The following PCDHGB3 variants were observed in gnomAD, a reference collection of about 807,000 sequenced individuals.
PCDHGB3 encodes the protein protocadherin gamma subfamily B, 3, also known as protocadherin gamma-B3.
PCDHGB3 carries 40 observed loss-of-function variants against 59.2 expected under a neutral mutation model. The ratio of observed to expected loss-of-function variants is 0.68; its 90% confidence interval spans 0.52 to 0.88. PCDHGB3 has a LOEUF of 0.88. Among genes scored for constraint, PCDHGB3 ranks in the 40% least tolerant of loss-of-function variants. The pLI is 0.00. For synonymous variants in PCDHGB3, 581 were observed against 503.6 expected (o/e 1.15, Z -2.06); for missense variants, 1,309 against 1,187.9 (o/e 1.10, Z -1.50).
chr5:141,430,404 A>C (rs1054341813), intron 1 of PCDHGB3, among the ~76,000 whole-genome samples: 1 of 152,000 alleles, frequency 6.6e-6, no homozygotes, highest in African/African-American at 2.4e-5. Context: ...AAAGCTCACT[A>C]AAGTTTCTAT....
rs751874380 is a variant in PCDHGB3 at position 141,486,055 on chromosome 5, C to A, written c.2416-8752C>A. ...CTGATCGTGTAAGAAACCTCTTTAG[C>A]CTGCACCCCACTACTGGAAAGCTTA... On this transcript the variant is annotated intron_variant, in intron 1 of 3. Transcript: ENST00000576222. The surrounding 1 kb of genome is among the most constrained non-coding windows in gnomAD (Gnocchi z 5.0). The A allele has an allele frequency of 6.2e-7, 1 of 1,614,170 alleles. No individual in the cohort carries two copies. Among genetic ancestry groups the A allele is most frequent in the South Asian group, 1.1e-5 (1 of 91,072 alleles).
Position 141,491,436 on chromosome 5 carries a change from G to A in PCDHGB3, c.2416-3371G>A, listed in dbSNP as rs771884610. ...ACGGGGGTGGAGGGCAGTGCTGCAG[G>A]CGCCAGGACTCACCCTCCCCGGACT... On this transcript the variant is annotated intron_variant, in intron 1 of 3. Coordinates refer to ENST00000576222, the MANE Select transcript of PCDHGB3 (RefSeq NM_018924.5). This position sits in a 1 kb window ranked among gnomAD's most constrained non-coding sequence, Gnocchi z 6.9. 1 of 1,614,070 alleles carries A rather than the reference G, an allele frequency of 6.2e-7. No individual in the cohort carries two copies. The highest frequency in any genetic ancestry group is 8.5e-7 in the Non-Finnish European group (1 of 1,180,034).
chr5:141,473,598 T>C (rs959841516), intron 1 of PCDHGB3, among the ~76,000 whole-genome samples: 8 of 152,066 alleles, frequency 5.3e-5, no homozygotes, highest in African/African-American at 1.9e-4. Flanking sequence ...CCTGTAGAAA[T>C]TAGCAAAGCA....
intron 1 of PCDHGB3, chr5:141,427,607 T>C (rs1157037825): frequency 1.5e-6 from 1 of 688,594 alleles, no homozygotes; most frequent in Non-Finnish European, 2.7e-6. Context: ...TACGCATTGG[T>C]GAAGTCAACG....
intron 1 of PCDHGB3, chr5:141,389,259 G>C (rs374136353): frequency 6.2e-7 from 1 of 1,613,888 alleles, no homozygotes; most frequent in Non-Finnish European, 8.5e-7. Flanking sequence ...TATAGTCCAC[G>C]TGGCCGAGAA....
chr5:141,478,155 G>A (rs138384601), intron 1 of PCDHGB3: 1 of 1,613,992 alleles, frequency 6.2e-7, no homozygotes, highest in Non-Finnish European at 8.5e-7. Context: ...TTCCCCTCTG[G>A]CTCTGCCCCC....
At chr5:141,494,583 G>A (rs2099755431) in intron 1 of PCDHGB3, among the ~76,000 whole-genome samples, 1 of 152,152 alleles carries the variant, frequency 6.6e-6, no homozygotes, top group Non-Finnish European at 1.5e-5. Flanking sequence ...CTTGCTCACT[G>A]TGGTCAGATG....
Position 141,372,765 on chromosome 5 carries a change from A to G in PCDHGB3, c.2371A>G (p.Asn791Asp). The change falls in exon 1 of 4, where the codon AAT becomes GAT. Residue 791 changes from asparagine to aspartate, a missense_variant. Physicochemically the swap from Asn to Asp is conservative, Grantham distance 23. Coordinates refer to ENST00000576222, the MANE Select transcript of PCDHGB3 (RefSeq NM_018924.5). ...LCDEASWFESNDNPEMPSNSG... is the reference protein window; with the variant it reads ...LCDEASWFESDDNPEMPSNSG... ...TGATGAAGCCTCTTGGTTTGAAAGT[A>G]ATGACAATCCAGAAATGCCTTCTAA... is the stretch of plus-strand genomic sequence containing the variant. 6.2e-7 allele frequency: 1 copy of G among 1,612,386 alleles called. No homozygotes were observed. Among genetic ancestry groups the G allele is most frequent in the Non-Finnish European group, 8.5e-7 (1 of 1,178,958 alleles).
intron 1 of PCDHGB3, chr5:141,389,977 C>T: frequency 6.2e-7 from 1 of 1,614,054 alleles, no homozygotes; most frequent in South Asian, 1.1e-5. Flanking sequence ...GCCTTGATCT[C>T]AGTGCTCTTC....
Position 141,428,071 on chromosome 5 carries a change from C to T in PCDHGB3, c.2415+55262C>T, listed in dbSNP as rs968712502. ...AAGGTGGTGGCGGTGGACGCAGATTCGGGACACAACGCTTGGCTGTCCTAC... is the reference window on the plus strand; with the variant it reads ...AAGGTGGTGGCGGTGGACGCAGATTTGGGACACAACGCTTGGCTGTCCTAC... On this transcript the variant is annotated intron_variant, in intron 1 of 3. Transcript: ENST00000576222. The T allele has an allele frequency of 5.6e-6, 9 of 1,609,140 alleles. No homozygotes were observed. In the Middle Eastern group the frequency reaches 1.0e-3, roughly 184 times the overall value.
At chr5:141,382,809 C>A in intron 1 of PCDHGB3, 1 of 1,143,884 alleles carries the variant, frequency 8.7e-7, no homozygotes, top group Non-Finnish European at 1.2e-6. Context: ...TTCTGAGCTC[C>A]CCTTCCTAAG....
chr5:141,421,991 A>T, intron 1 of PCDHGB3: 1 of 1,608,656 alleles, frequency 6.2e-7, no homozygotes, highest in Non-Finnish European at 8.5e-7. Context: ...GTTCCAGAAA[A>T]CATCAGCTCC....
chr5:141,470,915 C>A (rs2099244061), intron 1 of PCDHGB3, among the ~76,000 whole-genome samples: 1 of 152,010 alleles, frequency 6.6e-6, no homozygotes, highest in Non-Finnish European at 1.5e-5. Flanking sequence ...GGGACTGTCC[C>A]TATGTTGCTC....
rs950537869 is a variant in PCDHGB3, at chr5:141,432,150, A to G, written c.2415+59341A>G. 6.2e-7 allele frequency: 1 copy of G among 1,614,010 alleles called. No homozygotes were observed. On this transcript the variant is annotated intron_variant, in intron 1 of 3. Coordinates refer to ENST00000576222, the MANE Select transcript of PCDHGB3 (RefSeq NM_018924.5). The surrounding 1 kb of genome is among the most constrained non-coding windows in gnomAD (Gnocchi z 6.0). ...TCCTATTCCGCTTATATCCCAGAGA[A>G]CAATCCCAGAGGAGTTTCCCTCGTC...
At chr5:141,395,186 G>C in intron 1 of PCDHGB3, 1 of 1,614,086 alleles carries the variant, frequency 6.2e-7, no homozygotes, top group Non-Finnish European at 8.5e-7. Context: ...ATGATTCTTT[G>C]TTAACATCCG....
In PCDHGB3 at chr5:141,486,709, C is replaced by G. The variant is rs1485764871; in HGVS notation, c.2416-8098C>G. ...CTTCCTCTTTCATCTCTCTGAACCC[C>G]CAGACAGGAGCTGTTCATGCTACTC... On this transcript the variant is annotated intron_variant, in intron 1 of 3. Coordinates refer to ENST00000576222, the MANE Select transcript of PCDHGB3 (RefSeq NM_018924.5). The surrounding 1 kb of genome is among the most constrained non-coding windows in gnomAD (Gnocchi z 5.0). 1 of 1,614,182 alleles carries G rather than the reference C, an allele frequency of 6.2e-7. No individual in the cohort carries two copies. Among genetic ancestry groups the G allele is most frequent in the Middle Eastern group, 1.6e-4 (1 of 6,062 alleles).
At chr5:141,394,783 C>A in intron 1 of PCDHGB3, 7 of 1,613,732 alleles carry the variant, frequency 4.3e-6, no homozygotes, top group Non-Finnish European at 5.9e-6. Flanking sequence ...CTCTCCGCCA[C>A]TGTCACGCTC....
rs750804901 is a variant in PCDHGB3 at position 141,476,422 on chromosome 5, C to G, written c.2416-18385C>G. On this transcript the variant is annotated intron_variant, in intron 1 of 3. Coordinates refer to ENST00000576222, the MANE Select transcript of PCDHGB3 (RefSeq NM_018924.5). The surrounding 1 kb of genome is among the most constrained non-coding windows in gnomAD (Gnocchi z 7.6). ...GAGAGGAGCTGTGTGGGACACTGCC[C>G]TCTTGCACTGTAACTCTGGAGTTGG... 17 of 1,614,026 alleles carry G rather than the reference C, an allele frequency of 1.1e-5. No individual in the cohort carries two copies. The highest frequency in any genetic ancestry group is 1.4e-5 in the Non-Finnish European group (17 of 1,180,030).
Position 141,379,889 on chromosome 5 carries a change from C to CTTTTTTTT in PCDHGB3, c.2415+7103_2415+7110dup, listed in dbSNP as rs70988800. On this transcript the variant is annotated intron_variant, in intron 1 of 3. Transcript: ENST00000576222. ...CTTATTTTATGGTCTGTGAAAGCCT[C>CTTTTTTTT]TTTTTTTTTTTTTTTTTTTTTTTTT... Among the ~76,000 whole-genome samples the CTTTTTTTT allele has an allele frequency of 4.7e-3, 239 of 50,824 alleles. 36 individuals carry two copies. The highest frequency in any genetic ancestry group is 8.3e-3 in the African/African-American group (125 of 15,078). The allele number at this position is 50,824 out of a possible 152,430, so 33.3% of individuals were successfully genotyped here.
Sources: allele counts gnomAD v4.1 joint callset (sites outside exome capture counted in the v4.1 genomes callset), GRCh38; gene constraint gnomAD v4.1.1; non-coding constraint Gnocchi (gnomAD v3.1); transcripts MANE v1.5; gene names NCBI Gene and HGNC (gene_info 2026-07-23, HGNC 2026-07-21).